Variants in CAPN7 observed in about 807,000 individuals in gnomAD.
CAPN7 encodes calpain-7.
Under a neutral mutation model 115.2 loss-of-function variants are expected in CAPN7, and 72 were observed. The observed-to-expected ratio is 0.63, with a 90% CI of 0.52 to 0.76. The LOEUF (loss-of-function observed/expected upper bound fraction) is 0.76, where lower values mean the gene tolerates loss of function less well. Ranked by LOEUF, CAPN7 falls within the 30% of genes least tolerant of loss-of-function variation. The pLI is 0.00. For missense variants in CAPN7, 905 were observed against 971.5 expected (o/e 0.93, Z 0.91); for synonymous variants, 344 against 322.3 (o/e 1.07, Z -0.72).
intron 5 of CAPN7, among the ~76,000 whole-genome samples, chr3:15,223,247 T>G (rs1044879062): frequency 6.6e-6 from 1 of 152,238 alleles, no homozygotes; most frequent in Non-Finnish European, 1.5e-5. Flanking sequence ...TGTCTTCTTG[T>G]GGGTGTTAGC....
chr3:15,245,111 CAA>C (rs1298467693), intron 16 of CAPN7, among the ~76,000 whole-genome samples: 5 of 97,956 alleles, frequency 5.1e-5, no homozygotes, highest in Admixed American at 1.1e-4. Flanking sequence ...CTAGAATGAC[CAA>C]AAAAAAAAAA....
chr3:15,230,586 C>T, intron 9 of CAPN7, 51 bp downstream of exon 9: 1 of 1,061,688 alleles, frequency 9.4e-7, no homozygotes, highest in Non-Finnish European at 1.4e-6. Context: ...CCGTTCCCTA[C>T]CTTTGAATCT....
intron 8 of CAPN7, among the ~76,000 whole-genome samples, chr3:15,229,571 T>C (rs1402243950): frequency 6.0e-5 from 8 of 133,440 alleles, no homozygotes; most frequent in South Asian, 5.0e-4. Context: ...CTTTTTTTTT[T>C]TTTTTTTTTT....
intron 2 of CAPN7, among the ~76,000 whole-genome samples, chr3:15,216,154 CCAGAAGT>C (rs776544507): frequency 3.1e-4 from 47 of 152,078 alleles, no homozygotes; most frequent in Non-Finnish European, 5.9e-4. Flanking sequence ...GGAATTCCAC[CCAGAAGT>C]GGAACTGCTG....
intron 8 of CAPN7, among the ~76,000 whole-genome samples, chr3:15,229,561 C>CTTTTTTTTTTTTTTT (rs566957976): frequency 6.8e-5 from 6 of 87,836 alleles, no homozygotes; most frequent in African/African-American, 2.1e-4. Context: ...TACTTTTTTT[C>CTTTTTTTTTTTTTTT]TTTTTTTTTT....
rs757892266 is a variant in CAPN7, at chr3:15,229,068, G to A, written c.938+9G>A. 7 of 1,592,618 alleles carry A rather than the reference G, an allele frequency of 4.4e-6. No homozygotes were observed. The highest frequency in any genetic ancestry group is 2.2e-5 in the South Asian group (2 of 90,230). Reference sequence around the variant, plus strand: ...AAGAAGTTAATTACCGGGTAAAAATGTGTCTCTCTTTACCTCTTTTTGTGT... The same window carrying A: ...AAGAAGTTAATTACCGGGTAAAAATATGTCTCTCTTTACCTCTTTTTGTGT... On this transcript the variant is annotated intron_variant, in intron 8 of 20. Transcript: ENST00000253693.
chr3:15,234,122 G>A (rs1362449262), intron 11 of CAPN7, 149 bp downstream of exon 11: 3 of 525,692 alleles, frequency 5.7e-6, no homozygotes, highest in Non-Finnish European at 1.0e-5. Context: ...TGGAGGACCA[G>A]CCTGACCAAC....
Position 15,220,924 on chromosome 3 carries a change from C to T in CAPN7, c.581C>T (p.Pro194Leu), listed in dbSNP as rs1264029748. 3.7e-6 allele frequency: 6 copies of T among 1,614,132 alleles called. No individual in the cohort carries two copies. In the East Asian group the frequency reaches 6.7e-5, roughly 18 times the overall value. ...FLERPQSFISPQSCDAQGQRY... is the reference protein window; with the variant it reads ...FLERPQSFISLQSCDAQGQRY... ...GAAAGACCTCAGTCATTTATAAGTC[C>T]TCAGTCATGTGATGCACAAGGACAG... is the stretch of plus-strand genomic sequence containing the variant. The change falls in exon 5 of 21, where the codon CCT becomes CTT. Residue 194 changes from proline to leucine, a missense_variant. By Grantham distance (98) the Pro-to-Leu change is moderately conservative. Transcript: ENST00000253693.
At chr3:15,238,415 A>T (rs865985037) in intron 12 of CAPN7, among the ~76,000 whole-genome samples, 1 of 151,968 alleles carries the variant, frequency 6.6e-6, no homozygotes, top group South Asian at 2.1e-4. Context: ...CGCCTGGCCA[A>T]TTCTGACTTC....
rs1669812149 is a variant in CAPN7, at chr3:15,206,390, T to G, written c.-106T>G. The stretch of plus-strand genomic sequence containing the variant: ...CGTCCAAAGTAAACTTTGCCGCTCC[T>G]TCCGCGGCGCTCCCGAGTCCTCGCC... On this transcript the variant is annotated 5_prime_UTR_variant, in exon 1 of 21. Coordinates refer to ENST00000253693, the MANE Select transcript of CAPN7 (RefSeq NM_014296.3). 1.3e-6 allele frequency: 1 copy of G among 794,404 alleles called. No homozygotes were observed. The highest frequency in any genetic ancestry group is 2.9e-5 in the East Asian group (1 of 33,968). The allele number at this position is 794,404 out of a possible 1,614,324, so 49.2% of individuals were successfully genotyped here. A position where few individuals can be genotyped will look rare whatever the true frequency, so the allele number is the denominator to read the frequency against.
chr3:15,250,141 T>G (rs60285021), intron 19 of CAPN7, among the ~76,000 whole-genome samples: 17,471 of 145,942 alleles, frequency 0.12, 3,369 homozygotes, highest in African/African-American at 0.41. Context: ...GGGAGGCCAA[T>G]GTAGGAGGAT....
intron 6 of CAPN7, among the ~76,000 whole-genome samples, chr3:15,225,743 G>A (rs1694275596): frequency 2.6e-5 from 4 of 152,168 alleles, no homozygotes; most frequent in Non-Finnish European, 1.5e-5. Flanking sequence ...GCACCCCAGT[G>A]CCTACCACAG....
chr3:15,220,419 C>T (rs989422103), intron 4 of CAPN7, among the ~76,000 whole-genome samples: 8 of 152,150 alleles, frequency 5.3e-5, no homozygotes, highest in Non-Finnish European at 1.0e-4. Flanking sequence ...CATTCATTTG[C>T]ATGTAATACT....
chr3:15,250,461 G>A (rs758268249), intron 19 of CAPN7, among the ~76,000 whole-genome samples: 21 of 151,974 alleles, frequency 1.4e-4, no homozygotes, highest in Non-Finnish European at 1.0e-4. Flanking sequence ...CTGAGGTCAA[G>A]AGTTCGAGAC....
intron 14 of CAPN7, among the ~76,000 whole-genome samples, chr3:15,241,094 A>T (rs899541209): frequency 6.6e-6 from 1 of 152,060 alleles, no homozygotes; most frequent in African/African-American, 2.4e-5. Flanking sequence ...AGTCCCAGCT[A>T]CTCGGGAGGC....
chr3:15,228,827 T>C, intron 7 of CAPN7, 147 bp from the exon 8 acceptor site: 1 of 601,276 alleles, frequency 1.7e-6, no homozygotes. Flanking sequence ...CTATGTTACC[T>C]TCCACATGTA....
chr3:15,208,201 G>A (rs1316309607), intron 1 of CAPN7, among the ~76,000 whole-genome samples: 1 of 147,936 alleles, frequency 6.8e-6, no homozygotes, highest in African/African-American at 2.5e-5. Flanking sequence ...TTATGCGTAT[G>A]TGTATATGCT....
rs1693772166 is a variant in CAPN7, at chr3:15,218,459, TTCTTTC to T, written c.370-9_370-4del. ...ATTATGCTTTAAAATGTCTGTCTCT[TTCTTTC>T]TCTTAAGTCTTATGAAACTGCTGAT... On this transcript the variant is annotated splice_region_variant and splice_polypyrimidine_tract_variant and intron_variant, in intron 3 of 20. Coordinates refer to ENST00000253693, the MANE Select transcript of CAPN7 (RefSeq NM_014296.3). The T allele has an allele frequency of 1.9e-6, 3 of 1,590,182 alleles. No individual in the cohort carries two copies. In the East Asian group the frequency reaches 6.7e-5, roughly 36 times the overall value.
At chr3:15,238,108 CTTTTTTTTTTTTTT>C (rs34203410) in intron 12 of CAPN7, among the ~76,000 whole-genome samples, 6 of 58,188 alleles carry the variant, frequency 1.0e-4, no homozygotes, top group Non-Finnish European at 1.8e-4. Flanking sequence ...ATTCTGACTT[CTTTTTTTTTTTTTT>C]TTTTTTTTTT....
Sources: allele counts gnomAD v4.1 joint callset (sites outside exome capture counted in the v4.1 genomes callset), GRCh38; gene constraint gnomAD v4.1.1; transcripts MANE v1.5; gene names NCBI Gene and HGNC (gene_info 2026-07-23, HGNC 2026-07-21).